The following RGS17 variants were observed in gnomAD, a reference collection of about 807,000 sequenced individuals.
The protein encoded by RGS17 is regulator of G-protein signaling 17.
RGS17 carries 12 observed loss-of-function variants against 25.5 expected under a neutral mutation model. The ratio of observed to expected loss-of-function variants is 0.47; its 90% CI spans 0.30 to 0.76. RGS17 has a LOEUF of 0.76. Among genes scored for constraint, RGS17 ranks in the 30% least tolerant of loss-of-function variants. RGS17 has a pLI of 0.07. For missense variants in RGS17, 196 were observed against 242.2 expected, an observed-to-expected ratio of 0.81 and a Z score of 1.27; for synonymous variants, 71 against 76.9, an observed-to-expected ratio of 0.92 and a Z score of 0.40.
intron 1 of RGS17, among the ~76,000 whole-genome samples, chr6:153,127,145 A>G (rs1211325420): frequency 2.6e-5 from 4 of 152,116 alleles, no homozygotes; most frequent in Admixed American, 2.6e-4. Context: ...CTCCTATGAG[A>G]ATCTAATGCC....
intron 1 of RGS17, among the ~76,000 whole-genome samples, chr6:153,049,491 CCTGTAAT>C (rs1430396839): frequency 1.3e-5 from 2 of 152,134 alleles, no homozygotes; most frequent in Non-Finnish European, 2.9e-5. Flanking sequence ...GTGGCTCACA[CCTGTAAT>C]CCCAGCACTT....
intron 1 of RGS17, among the ~76,000 whole-genome samples, chr6:153,116,000 G>C (rs933012477): frequency 1.3e-5 from 2 of 152,140 alleles, no homozygotes; most frequent in Non-Finnish European, 2.9e-5. Context: ...TACCATTCAG[G>C]ATATGGGCAT....
chr6:153,122,505 T>C (rs1479621481), intron 1 of RGS17, among the ~76,000 whole-genome samples: 1 of 152,108 alleles, frequency 6.6e-6, no homozygotes, highest in Non-Finnish European at 1.5e-5. Context: ...TGGACTTGAG[T>C]AGATGAAGAA....
At chr6:153,024,221 T>G in intron 4 of RGS17, 41 bp downstream of exon 4, 1 of 1,372,892 alleles carries the variant, frequency 7.3e-7, no homozygotes, top group Non-Finnish European at 1.0e-6. Flanking sequence ...CGGTTATCCT[T>G]GGTCTTAGGA....
At chr6:153,018,382 T>C (rs116358453) in intron 4 of RGS17, among the ~76,000 whole-genome samples, 1,602 of 152,300 alleles carry the variant, frequency 0.011, 40 homozygotes, top group African/African-American at 0.036. Flanking sequence ...TCCTCAAACA[T>C]TCATTTCACC....
chr6:153,070,747 G>T (rs561204370), intron 1 of RGS17, among the ~76,000 whole-genome samples: 30 of 146,948 alleles, frequency 2.0e-4, no homozygotes, highest in African/African-American at 7.6e-4. Context: ...ATACATAGAC[G>T]TATATGTGTG....
rs1440743883 is a variant in RGS17, at chr6:153,006,925, C to T, written c.*4649G>A. The T allele has an allele frequency of 1.3e-5, 2 of 152,206 alleles. No individual in the cohort carries two copies. Among genetic ancestry groups the T allele is most frequent in the Non-Finnish European group, 2.9e-5 (2 of 68,040 alleles). The allele number at this position is 152,206 out of a possible 1,614,324, so 9.4% of individuals were successfully genotyped here. A position where few individuals can be genotyped will look rare whatever the true frequency, so the allele number is the denominator to read the frequency against. On this transcript the variant is annotated 3_prime_UTR_variant, in exon 5 of 5. Transcript: ENST00000206262. ...TTTACACTATGCTCCCTAAGTGAAT[C>T]TGTGGACATACATTTCCATTAGTAA...
intron 1 of RGS17, among the ~76,000 whole-genome samples, chr6:153,111,428 G>A (rs981373527): frequency 9.2e-5 from 14 of 152,158 alleles, no homozygotes; most frequent in African/African-American, 2.9e-4. Flanking sequence ...TGAAAGAAAG[G>A]CAGCAGCCCC....
chr6:153,020,310 C>G (rs1049564849), intron 4 of RGS17, among the ~76,000 whole-genome samples: 1 of 150,466 alleles, frequency 6.6e-6, no homozygotes, highest in Non-Finnish European at 1.5e-5. Context: ...CCCGCCACCA[C>G]GCCCGGCTAA....
chr6:153,109,733 A>C (rs63739861), intron 1 of RGS17, among the ~76,000 whole-genome samples: 70,760 of 151,842 alleles, frequency 0.47, 17,091 homozygotes, highest in East Asian at 0.85. Context: ...GGAGATGAGG[A>C]AAAAAAGGAC....
At chr6:153,118,915 G>A (rs536238103) in intron 1 of RGS17, among the ~76,000 whole-genome samples, 6 of 151,938 alleles carry the variant, frequency 3.9e-5, no homozygotes, top group Admixed American at 1.3e-4. Flanking sequence ...CCACATCCTC[G>A]GTTTTATGGC....
At chr6:153,115,367 C>T (rs1389586010) in intron 1 of RGS17, among the ~76,000 whole-genome samples, 2 of 152,128 alleles carry the variant, frequency 1.3e-5, no homozygotes, top group Non-Finnish European at 2.9e-5. Flanking sequence ...AGGAATACAA[C>T]TTACAAGGGA....
chr6:153,013,214 A>G (rs529787301), intron 4 of RGS17, among the ~76,000 whole-genome samples: 70 of 152,222 alleles, frequency 4.6e-4, no homozygotes, highest in African/African-American at 1.7e-3. Context: ...ATAATATTTC[A>G]CAATTTTCAT....
intron 2 of RGS17, among the ~76,000 whole-genome samples, chr6:153,027,297 T>C (rs1205754486): frequency 6.6e-6 from 1 of 151,796 alleles, no homozygotes; most frequent in South Asian, 2.1e-4. Flanking sequence ...ATAAGAATTG[T>C]CCAATGACAA....
chr6:153,079,492 C>A (rs1278626073), intron 1 of RGS17, among the ~76,000 whole-genome samples: 1 of 152,172 alleles, frequency 6.6e-6, no homozygotes, highest in East Asian at 1.9e-4. Context: ...TCTATTTCTA[C>A]TTTGCTAATT....
chr6:153,095,215 G>A (rs1056657582), intron 1 of RGS17, among the ~76,000 whole-genome samples: 3 of 152,028 alleles, frequency 2.0e-5, no homozygotes, highest in Admixed American at 1.3e-4. Flanking sequence ...GAGATCCTGA[G>A]TAACAGAAAG....
chr6:153,094,699 C>G (rs1035118878), intron 1 of RGS17, among the ~76,000 whole-genome samples: 20 of 152,232 alleles, frequency 1.3e-4, no homozygotes, highest in African/African-American at 4.6e-4. Context: ...ATTACACAAT[C>G]AATCAATGGG....
chr6:153,034,995 C>CA (rs34486359), intron 2 of RGS17, among the ~76,000 whole-genome samples: 167 of 150,958 alleles, frequency 1.1e-3, no homozygotes, highest in Non-Finnish European at 2.0e-3. Context: ...ACTAAAAATA[C>CA]AAAAAAAAAT....
intron 1 of RGS17, among the ~76,000 whole-genome samples, chr6:153,093,992 TA>T (rs1010938459): frequency 3.9e-5 from 6 of 152,156 alleles, no homozygotes; most frequent in Non-Finnish European, 8.8e-5. Flanking sequence ...GTGCATTATA[TA>T]AATACGATTA....
Sources: allele counts gnomAD v4.1 joint callset (sites outside exome capture counted in the v4.1 genomes callset), GRCh38; gene constraint gnomAD v4.1.1; transcripts MANE v1.5; gene names NCBI Gene and HGNC (gene_info 2026-07-23, HGNC 2026-07-21).